Variants in CLOCK observed in about 807,000 individuals in gnomAD.
CLOCK encodes clock circadian regulator.
CLOCK carries 43 observed loss-of-function variants against 118.4 expected under a neutral mutation model. The observed-to-expected ratio is 0.36, with a 90% confidence interval of 0.28 to 0.47. CLOCK has a LOEUF of 0.47. Ranked by LOEUF, CLOCK falls within the 20% of genes least tolerant of loss-of-function variation. The pLI is 1.00. For missense variants in CLOCK, 846 were observed against 999.9 expected, an observed-to-expected ratio of 0.85 and a Z score of 2.08; for synonymous variants, 326 against 339.2, an observed-to-expected ratio of 0.96 and a Z score of 0.43.
intron 5 of CLOCK, 114 bp downstream of exon 5, chr4:55,479,526 A>G (rs1726769606): frequency 1.2e-6 from 1 of 822,694 alleles, no homozygotes; most frequent in African/African-American, 1.7e-5. Flanking sequence ...CCTTGCTAAT[A>G]TATCTAAACT....
intron 3 of CLOCK, among the ~76,000 whole-genome samples, chr4:55,487,291 A>T (rs185227921): frequency 7.8e-4 from 119 of 152,290 alleles, no homozygotes; most frequent in African/African-American, 2.7e-3. Context: ...TGATCTCTGA[A>T]CATGAGCTCA....
intron 2 of CLOCK, among the ~76,000 whole-genome samples, chr4:55,500,606 C>T (rs776916462): frequency 2.6e-5 from 4 of 152,126 alleles, no homozygotes; most frequent in Non-Finnish European, 4.4e-5. Flanking sequence ...CTGCCGTGAC[C>T]TCCCAAATTG....
At chr4:55,525,562 G>C (rs1200997303) in intron 1 of CLOCK, among the ~76,000 whole-genome samples, 1 of 152,044 alleles carries the variant, frequency 6.6e-6, no homozygotes, top group Non-Finnish European at 1.5e-5. Flanking sequence ...GAGTGCAATG[G>C]CACAATCTTG....
chr4:55,444,817 T>C (rs559658226), intron 18 of CLOCK, 32 bp from the exon 19 acceptor site: 4 of 1,604,060 alleles, frequency 2.5e-6, no homozygotes, highest in Non-Finnish European at 3.4e-6. Flanking sequence ...AAGTGTAATA[T>C]ATTTTAGAAT....
At chr4:55,540,166 C>T (rs570507130) in intron 1 of CLOCK, among the ~76,000 whole-genome samples, 21 of 152,006 alleles carry the variant, frequency 1.4e-4, no homozygotes, top group African/African-American at 4.8e-4. Context: ...CGCCACCATG[C>T]CCGGCTAATT....
chr4:55,462,602 T>C (rs924527944), intron 9 of CLOCK, among the ~76,000 whole-genome samples: 3 of 152,156 alleles, frequency 2.0e-5, no homozygotes, highest in Non-Finnish European at 4.4e-5. Context: ...CTAATTTTTC[T>C]CTCCTTGTTC....
chr4:55,444,875 T>A (rs1467839184), intron 18 of CLOCK, 90 bp from the exon 19 acceptor site: 1 of 1,314,192 alleles, frequency 7.6e-7, no homozygotes, highest in Non-Finnish European at 1.1e-6. Context: ...CAGTATAACA[T>A]GAGTGAAGGA....
intron 1 of CLOCK, among the ~76,000 whole-genome samples, chr4:55,538,675 T>C (rs1055597344): frequency 6.6e-6 from 1 of 152,098 alleles, no homozygotes; most frequent in African/African-American, 2.4e-5. Context: ...TCCAGCTAGA[T>C]TCAAAAAACT....
intron 1 of CLOCK, among the ~76,000 whole-genome samples, chr4:55,530,727 A>G (rs1417975062): frequency 5.2e-5 from 7 of 133,378 alleles, no homozygotes; most frequent in Non-Finnish European, 7.7e-5. Context: ...GTGAGCCGAG[A>G]TTGTGCCCCT....
At chr4:55,545,269 C>A (rs901392634) in intron 1 of CLOCK, among the ~76,000 whole-genome samples, 2 of 152,112 alleles carry the variant, frequency 1.3e-5, no homozygotes, top group Non-Finnish European at 2.9e-5. Flanking sequence ...TTCCTTCCCC[C>A]AAGCTTTGAA....
At chr4:55,468,853 A>T (rs2109846928) in intron 8 of CLOCK, among the ~76,000 whole-genome samples, 3 of 152,282 alleles carry the variant, frequency 2.0e-5, no homozygotes, top group Middle Eastern at 3.4e-3. Context: ...GACTGCATAT[A>T]TGACCACCGG....
At chr4:55,537,109 T>C in intron 1 of CLOCK, among the ~76,000 whole-genome samples, 1 of 152,122 alleles carries the variant, frequency 6.6e-6, no homozygotes, top group Non-Finnish European at 1.5e-5. Flanking sequence ...AACACACTTA[T>C]AAATAAACTA....
At chr4:55,472,163 AAAGTG>A (rs1427626958) in intron 7 of CLOCK, among the ~76,000 whole-genome samples, 8 of 152,222 alleles carry the variant, frequency 5.3e-5, no homozygotes, top group Non-Finnish European at 1.2e-4. Context: ...AAAGAATGAC[AAAGTG>A]AAGAGGAGAG....
intron 13 of CLOCK, among the ~76,000 whole-genome samples, chr4:55,455,217 T>A (rs1344275761): frequency 6.6e-6 from 1 of 152,110 alleles, no homozygotes; most frequent in Non-Finnish European, 1.5e-5. Flanking sequence ...AACCTCATCA[T>A]TAAAACAAAC....
At chr4:55,453,324 A>G (rs1323213615) in intron 14 of CLOCK, 195 bp from the exon 15 acceptor site, 4 of 554,560 alleles carry the variant, frequency 7.2e-6, no homozygotes, top group Non-Finnish European at 1.3e-5. Flanking sequence ...AGTTTCATAC[A>G]CTGCTGTAAA....
intron 21 of CLOCK, 60 bp from the exon 22 acceptor site, chr4:55,438,597 C>T (rs781720125): frequency 1.2e-5 from 19 of 1,610,108 alleles, no homozygotes; most frequent in Admixed American, 1.7e-5. Flanking sequence ...CATCATAAAA[C>T]GCAGTGGAGT....
rs75397918 is a variant in CLOCK, at chr4:55,461,081, C to T, written c.560-1820G>A. ...AACTACAGACATGTGCCACCACACC[C>T]CAGCCAACTTTTCTATTTCTCTTTA... On this transcript the variant is annotated intron_variant, in intron 9 of 22. Coordinates refer to ENST00000513440, the MANE Select transcript of CLOCK (RefSeq NM_004898.4). Among the ~76,000 whole-genome samples the T allele has an allele frequency of 9.6e-3, 1,459 of 152,104 alleles. 8 individuals are homozygous for T. The highest frequency in any genetic ancestry group is 0.012 in the Non-Finnish European group (818 of 67,964).
intron 5 of CLOCK, among the ~76,000 whole-genome samples, chr4:55,479,335 C>A (rs557190283): frequency 6.6e-6 from 1 of 152,096 alleles, no homozygotes; most frequent in Non-Finnish European, 1.5e-5. Context: ...AACCAGTAAA[C>A]AAACAGCTAT....
chr4:55,522,504 TAAA>T (rs77210975), intron 1 of CLOCK, among the ~76,000 whole-genome samples: 3 of 147,878 alleles, frequency 2.0e-5, no homozygotes, highest in African/African-American at 7.4e-5. Context: ...TGTTTTTTTT[TAAA>T]AAAAAAAGAA....
Sources: allele counts gnomAD v4.1 joint callset (sites outside exome capture counted in the v4.1 genomes callset), GRCh38; gene constraint gnomAD v4.1.1; transcripts MANE v1.5; gene names NCBI Gene and HGNC (gene_info 2026-07-23, HGNC 2026-07-21).